AK9: variants seen among roughly 807,000 people sequenced by gnomAD.
AK9 encodes the protein adenylate kinase domain containing 1.
AK9 carries 191 observed loss-of-function variants against 239.6 expected under a neutral mutation model. That is an observed-to-expected ratio of 0.80 (90% confidence interval 0.71 to 0.90). The LOEUF (loss-of-function observed/expected upper bound fraction) is 0.90, where lower values mean the gene tolerates loss of function less well. Among genes scored for constraint, AK9 ranks in the 40% least tolerant of loss-of-function variants. The pLI is 0.00. For synonymous variants in AK9, 689 were observed against 721.0 expected (o/e 0.96, Z 0.71); for missense variants, 1,995 against 2,214.7 (o/e 0.90, Z 1.99).
intron 10 of AK9, among the ~76,000 whole-genome samples, chr6:109,635,083 C>T (rs2128277629): frequency 6.6e-6 from 1 of 152,192 alleles, no homozygotes; most frequent in South Asian, 2.1e-4. Flanking sequence ...TTGCTGCTTC[C>T]TAAAACCTCA....
chr6:109,669,522 G>A (rs952627784), intron 5 of AK9, among the ~76,000 whole-genome samples: 1 of 152,030 alleles, frequency 6.6e-6, no homozygotes, highest in African/African-American at 2.4e-5. Flanking sequence ...ATTGGCTGTG[G>A]GTTTGTCATA....
intron 20 of AK9, among the ~76,000 whole-genome samples, chr6:109,578,946 T>C (rs568862960): frequency 3.3e-5 from 5 of 152,332 alleles, no homozygotes; most frequent in South Asian, 2.1e-4. Context: ...TTGTGGCCTA[T>C]TATGTGATCT....
chr6:109,516,157 G>T, intron 30 of AK9, 82 bp from the exon 31 acceptor site: 1 of 1,186,360 alleles, frequency 8.4e-7, no homozygotes, highest in South Asian at 1.5e-5. Flanking sequence ...AGACACTGCT[G>T]GTGACTGACT....
At chr6:109,576,436 T>TTTTTTTTTTTTTTTTTTTTTA (rs1425722005) in intron 20 of AK9, among the ~76,000 whole-genome samples, 1 of 149,768 alleles carries the variant, frequency 6.7e-6, no homozygotes, top group African/African-American at 2.4e-5. Context: ...TTTTTTTTTT[T>TTTTTTTTTTTTTTTTTTTTTA]TGCAGCTGTT....
intron 25 of AK9, among the ~76,000 whole-genome samples, chr6:109,547,396 A>G (rs1783701315): frequency 6.6e-6 from 1 of 152,188 alleles, no homozygotes; most frequent in African/African-American, 2.4e-5. Flanking sequence ...GAAAGCCAAA[A>G]CACTTATAGC....
chr6:109,549,955 C>T (rs529627086), intron 25 of AK9, 135 bp downstream of exon 25: 27 of 960,950 alleles, frequency 2.8e-5, no homozygotes, highest in South Asian at 1.8e-4. Flanking sequence ...TGAGCCACCG[C>T]GCCCGGCCTA....
intron 17 of AK9, among the ~76,000 whole-genome samples, chr6:109,588,807 T>A (rs1297412472): frequency 6.6e-6 from 1 of 152,212 alleles, no homozygotes; most frequent in Non-Finnish European, 1.5e-5. Context: ...TCTCCAGTTT[T>A]CCCAGTACCA....
intron 7 of AK9, among the ~76,000 whole-genome samples, chr6:109,658,780 A>G (rs1247523516): frequency 6.6e-6 from 1 of 152,128 alleles, no homozygotes; most frequent in Non-Finnish European, 1.5e-5. Context: ...AATGACTTTC[A>G]CTTGCTTCTT....
chr6:109,632,945 A>C lies in AK9; in HGVS notation c.1232T>G (p.Leu411Arg). The C allele has an allele frequency of 1.2e-6, 2 of 1,613,462 alleles. No individual in the cohort carries two copies. The highest frequency in any genetic ancestry group is 4.5e-5 in the East Asian group (2 of 44,832). The change falls in exon 12 of 41, where the codon CTT becomes CGT. Residue 411 changes from leucine to arginine, a missense_variant. Physicochemically the swap from Leu to Arg is moderately radical, Grantham distance 102 (BLOSUM62 -2). This residue lies in a region of AK9 where 1,290 missense variants were observed against 1,392.7 expected (regional missense o/e 0.93). Coordinates refer to ENST00000424296, the MANE Select transcript of AK9 (RefSeq NM_001145128.3). ...CACCTTTCCTTTGTAATTTTCTGCA[A>C]GCATATTGCAAAGTGTTGTTTTCCC... ...YSGKTTLCNM[L>R]AENYKGKVVD...
At chr6:109,523,650 G>A (rs1780112049) in intron 29 of AK9, among the ~76,000 whole-genome samples, 1 of 152,120 alleles carries the variant, frequency 6.6e-6, no homozygotes, top group South Asian at 2.1e-4. Flanking sequence ...AAAGCCAACT[G>A]ACTTTCTGGA....
At chr6:109,551,435 C>G (rs1161766233) in intron 24 of AK9, among the ~76,000 whole-genome samples, 2 of 150,820 alleles carry the variant, frequency 1.3e-5, no homozygotes, top group East Asian at 3.9e-4. Flanking sequence ...AGGAGAATCA[C>G]TTGAGTCCGA....
At chr6:109,572,212 G>A (rs1787501328) in intron 21 of AK9, among the ~76,000 whole-genome samples, 1 of 152,200 alleles carries the variant, frequency 6.6e-6, no homozygotes, top group Non-Finnish European at 1.5e-5. Context: ...TGGAAAGGCA[G>A]TATGGTAGAT....
chr6:109,632,109 A>G (rs1796144215), intron 12 of AK9: 6 of 968,298 alleles, frequency 6.2e-6, no homozygotes, highest in Non-Finnish European at 7.4e-6. Context: ...TGGTGGTTAC[A>G]TGGGGGTTCA....
chr6:109,603,776 C>T (rs1056302642), intron 17 of AK9, among the ~76,000 whole-genome samples: 20 of 152,284 alleles, frequency 1.3e-4, no homozygotes, highest in Admixed American at 5.9e-4. Context: ...CGATGGCAGG[C>T]GCCCCTCCCC....
At chr6:109,575,064 T>C (rs1210663010) in intron 20 of AK9, among the ~76,000 whole-genome samples, 1 of 152,230 alleles carries the variant, frequency 6.6e-6, no homozygotes, top group Non-Finnish European at 1.5e-5. Context: ...CTCAGTAGTA[T>C]TCCATGGAAT....
At chr6:109,525,765 C>T (rs561287227) in intron 29 of AK9, among the ~76,000 whole-genome samples, 1 of 152,318 alleles carries the variant, frequency 6.6e-6, no homozygotes, top group East Asian at 1.9e-4. Context: ...CTTAGAACTA[C>T]CATTTAACTC....
intron 33 of AK9, 102 bp downstream of exon 33, chr6:109,509,077 T>C: frequency 8.4e-7 from 1 of 1,193,408 alleles, no homozygotes; most frequent in Non-Finnish European, 1.2e-6. Context: ...TCACACCCTT[T>C]ATAAGAGCTT....
intron 29 of AK9, among the ~76,000 whole-genome samples, chr6:109,524,248 CT>C (rs992447412): frequency 2.0e-5 from 3 of 151,704 alleles, no homozygotes; most frequent in African/African-American, 7.3e-5. Flanking sequence ...GTTGGTTGGG[CT>C]TAAACTATTT....
chr6:109,603,368 C>T (rs551753220), intron 17 of AK9, among the ~76,000 whole-genome samples: 6 of 152,148 alleles, frequency 3.9e-5, no homozygotes, highest in Non-Finnish European at 7.3e-5. Context: ...GTATCAGCAG[C>T]GGAGGCTGCA....
Sources: gnomAD v4.1 joint callset for allele counts (sites outside exome capture counted in the v4.1 genomes callset) on GRCh38, gnomAD v4.1.1 for gene constraint, gnomAD v4.1.1 regional missense constraint, MANE v1.5 for transcripts, NCBI Gene and HGNC (gene_info 2026-07-23, HGNC 2026-07-21) for gene names.